KIAA1328: variants seen among roughly 807,000 people sequenced by gnomAD.
KIAA1328 encodes the protein protein hinderin.
Under a neutral mutation model 68.1 loss-of-function variants are expected in KIAA1328, and 52 were observed. That is an observed-to-expected ratio of 0.76 (90% confidence interval 0.61 to 0.96). The LOEUF is 0.96. KIAA1328 is among the 40% of genes least tolerant of loss of function. The pLI is 0.00. For synonymous variants in KIAA1328, 232 were observed against 239.4 expected (o/e 0.97, Z 0.28); for missense variants, 641 against 677.6 (o/e 0.95, Z 0.60).
intron 6 of KIAA1328, among the ~76,000 whole-genome samples, chr18:37,019,140 T>C (rs2151519418): frequency 6.8e-6 from 1 of 147,236 alleles, no homozygotes; most frequent in Non-Finnish European, 1.5e-5. Flanking sequence ...TATTTTTTTC[T>C]TTACCTTTTC....
chr18:37,039,329 G>A (rs999670377), intron 6 of KIAA1328, among the ~76,000 whole-genome samples: 1 of 151,862 alleles, frequency 6.6e-6, no homozygotes, highest in East Asian at 1.9e-4. Flanking sequence ...AAGACATCTA[G>A]GGCTGAGTTT....
At chr18:37,041,117 T>TTTGCTGATTTTTTGTTC in intron 6 of KIAA1328, among the ~76,000 whole-genome samples, 1 of 151,858 alleles carries the variant, frequency 6.6e-6, no homozygotes, top group Non-Finnish European at 1.5e-5. Flanking sequence ...ATTTTTTGTT[T>TTTGCTGATTTTTTGTTC]AGTTGTTCCA....
At chr18:37,077,865 G>T (rs1013458716) in intron 7 of KIAA1328, among the ~76,000 whole-genome samples, 1 of 151,776 alleles carries the variant, frequency 6.6e-6, no homozygotes, top group Non-Finnish European at 1.5e-5. Flanking sequence ...CATGCTCATG[G>T]GTAGGAAGAA....
intron 7 of KIAA1328, among the ~76,000 whole-genome samples, chr18:37,099,569 G>T (rs1203599285): frequency 6.6e-6 from 1 of 152,160 alleles, no homozygotes; most frequent in African/African-American, 2.4e-5. Flanking sequence ...GGGGTGGAGA[G>T]TTCTGTAGAT....
chr18:37,217,925 G>A (rs1232989624), intron 9 of KIAA1328, among the ~76,000 whole-genome samples: 1 of 152,140 alleles, frequency 6.6e-6, no homozygotes, highest in Non-Finnish European at 1.5e-5. Flanking sequence ...AGCCACAGGA[G>A]TTAGAGAAAA....
rs1164977081 is a variant in KIAA1328, at chr18:36,893,458, TGTG to T, written c.448+7787_448+7789del. Among the ~76,000 whole-genome samples the T allele has an allele frequency of 3.6e-3, 497 of 136,416 alleles. 2 individuals carry two copies. The highest frequency in any genetic ancestry group is 0.011 in the Middle Eastern group (3 of 268). 89.5% of individuals were successfully genotyped at this position (136,416 alleles called of 152,430 possible). On this transcript the variant is annotated intron_variant, in intron 5 of 9. Coordinates refer to ENST00000280020, the MANE Select transcript of KIAA1328 (RefSeq NM_020776.3). ...ATTTGTGTGTGTGTGTGTGTGTGTG[TGTG>T]TTTTTGTGTGTGTGTGTGTGTGTGT...
chr18:37,094,359 G>A (rs983836081), intron 7 of KIAA1328, among the ~76,000 whole-genome samples: 2 of 150,234 alleles, frequency 1.3e-5, no homozygotes, highest in Non-Finnish European at 2.9e-5. Flanking sequence ...AGTGCTGATG[G>A]GAAAAAAAAA....
chr18:36,970,601 C>G (rs2052156706), intron 6 of KIAA1328, among the ~76,000 whole-genome samples: 1 of 152,190 alleles, frequency 6.6e-6, no homozygotes, highest in South Asian at 2.1e-4. Context: ...GCAACTTCAG[C>G]AAAGTCTCAG....
chr18:36,914,765 A>G (rs78038767), intron 5 of KIAA1328, among the ~76,000 whole-genome samples: 2,064 of 152,256 alleles, frequency 0.014, 47 homozygotes, highest in African/African-American at 0.047. Context: ...AGGATCTAAG[A>G]AAAACATACA....
chr18:37,024,729 A>T (rs2054496496), intron 6 of KIAA1328, among the ~76,000 whole-genome samples: 1 of 152,144 alleles, frequency 6.6e-6, no homozygotes, highest in African/African-American at 2.4e-5. Flanking sequence ...ATTGCTGCAT[A>T]GTATTCCATG....
At chr18:36,863,771 T>C (rs1355925039) in intron 4 of KIAA1328, among the ~76,000 whole-genome samples, 4 of 152,202 alleles carry the variant, frequency 2.6e-5, no homozygotes, top group African/African-American at 9.6e-5. Context: ...TTGGTGCAAT[T>C]GTAAAAGGTA....
At chr18:36,829,653 A>G (rs1662311220) in intron 1 of KIAA1328, among the ~76,000 whole-genome samples, 1 of 152,198 alleles carries the variant, frequency 6.6e-6, no homozygotes, top group Non-Finnish European at 1.5e-5. Context: ...GGAGCAAGTC[A>G]GGACCTTTCG....
At chr18:36,973,988 A>G (rs2052359392) in intron 6 of KIAA1328, among the ~76,000 whole-genome samples, 1 of 152,168 alleles carries the variant, frequency 6.6e-6, no homozygotes, top group Admixed American at 6.6e-5. Context: ...TGATAATGTG[A>G]TATTAATAAC....
chr18:37,215,698 G>A (rs2060416529), intron 9 of KIAA1328, among the ~76,000 whole-genome samples: 1 of 152,114 alleles, frequency 6.6e-6, no homozygotes, highest in Non-Finnish European at 1.5e-5. Flanking sequence ...TTTTTCTATT[G>A]ATTGGAATAG....
At chr18:37,142,012 CT>C (rs1348036806) in intron 7 of KIAA1328, among the ~76,000 whole-genome samples, 1 of 152,040 alleles carries the variant, frequency 6.6e-6, no homozygotes, top group Admixed American at 6.6e-5. Flanking sequence ...CTTGTTATGT[CT>C]TTAATGGTGT....
chr18:36,863,456 CT>C (rs2047636804), intron 4 of KIAA1328, among the ~76,000 whole-genome samples: 1 of 152,118 alleles, frequency 6.6e-6, no homozygotes, highest in Non-Finnish European at 1.5e-5. Context: ...AGTAGAATGA[CT>C]TTTCCTACTC....
chr18:36,890,812 T>C (rs2150999285), intron 5 of KIAA1328, among the ~76,000 whole-genome samples: 1 of 152,308 alleles, frequency 6.6e-6, no homozygotes, highest in Admixed American at 6.5e-5. Context: ...TGATATCAGA[T>C]ATTCTCCTAG....
chr18:36,840,243 C>A (rs1264620764), intron 3 of KIAA1328, among the ~76,000 whole-genome samples: 2 of 152,096 alleles, frequency 1.3e-5, no homozygotes, highest in Non-Finnish European at 2.9e-5. Context: ...GCCTGCTATC[C>A]AATGAAAACT....
chr18:37,211,433 C>T (rs1025073447), intron 9 of KIAA1328, among the ~76,000 whole-genome samples: 2 of 152,158 alleles, frequency 1.3e-5, no homozygotes, highest in Admixed American at 6.5e-5. Flanking sequence ...TCTGGAGAGA[C>T]GTAACTGGGT....
Sources: allele counts gnomAD v4.1 joint callset (sites outside exome capture counted in the v4.1 genomes callset), GRCh38; gene constraint gnomAD v4.1.1; transcripts MANE v1.5; gene names NCBI Gene and HGNC (gene_info 2026-07-23, HGNC 2026-07-21).